The following ZFP14 variants were observed in gnomAD, a reference collection of about 807,000 sequenced individuals.
The protein encoded by ZFP14 is zinc finger protein 14 homolog.
Under a neutral mutation model 54.5 loss-of-function variants are expected in ZFP14, and 22 were observed. The observed-to-expected ratio is 0.40, with a 90% confidence interval of 0.29 to 0.58. The LOEUF (loss-of-function observed/expected upper bound fraction) is 0.58. Among genes scored for constraint, ZFP14 ranks in the 20% least tolerant of loss-of-function variants. The pLI is 0.39. For synonymous variants in ZFP14, 159 were observed against 204.0 expected (o/e 0.78, Z 1.88); for missense variants, 470 against 637.8 (o/e 0.74, Z 2.83).
chr19:36,349,864 T>C (rs1456501786), intron 4 of ZFP14, among the ~76,000 whole-genome samples: 2 of 99,270 alleles, frequency 2.0e-5, no homozygotes, highest in Non-Finnish European at 4.6e-5. Context: ...AAAAGAACAA[T>C]AGATAGGCTG....
chr19:36,370,616 C>T (rs2031864384), intron 1 of ZFP14, among the ~76,000 whole-genome samples: 1 of 152,254 alleles, frequency 6.6e-6, no homozygotes, highest in South Asian at 2.1e-4. Flanking sequence ...CGTGCCCCAG[C>T]ACTGCACCAG....
In ZFP14 at chr19:36,349,231, C is replaced by CAAAA. The variant is rs1308523351; in HGVS notation, c.236-7645_236-7642dup. 7.8e-3 allele frequency among the ~76,000 whole-genome samples: 33 copies of CAAAA among 4,248 alleles called. 8 individuals carry two copies. Among genetic ancestry groups the CAAAA allele is most frequent in the Non-Finnish European group, 9.0e-3 (22 of 2,440 alleles). 2.8% of individuals were successfully genotyped at this position (4,248 alleles called of 152,430 possible). A position where few individuals can be genotyped will look rare whatever the true frequency, so the allele number is the denominator to read the frequency against. On this transcript the variant is annotated intron_variant, in intron 4 of 4. Transcript: ENST00000270001. The stretch of plus-strand genomic sequence containing the variant: ...GGGCTATAAGAGGGGAACTCTGTCT[C>CAAAA]AAAAAAAAAAACAAAAAAAAAAAAA...
At chr19:36,369,583 A>G (rs1404216884) in intron 1 of ZFP14, among the ~76,000 whole-genome samples, 1 of 151,468 alleles carries the variant, frequency 6.6e-6, no homozygotes, top group Non-Finnish European at 1.5e-5. Context: ...GCTAATTTTT[A>G]TATTTATAGT....
chr19:36,367,825 T>C (rs1175375573), intron 2 of ZFP14, 59 bp downstream of exon 2: 2 of 1,573,588 alleles, frequency 1.3e-6, no homozygotes, highest in African/African-American at 2.7e-5. Context: ...AGAATGAATC[T>C]ATATACATGA....
chr19:36,360,644 GGAGCGAA>G, intron 3 of ZFP14, 111 bp from the exon 4 acceptor site: 4 of 951,344 alleles, frequency 4.2e-6, no homozygotes, highest in Non-Finnish European at 6.0e-6. Context: ...ATAAAGCCTA[GGAGCGAA>G]GAATTGCAAG....
chr19:36,349,026 G>A (rs1441708209), intron 4 of ZFP14, among the ~76,000 whole-genome samples: 1 of 151,450 alleles, frequency 6.6e-6, no homozygotes, highest in East Asian at 2.0e-4. Context: ...TCAGGAGTTC[G>A]AGACCAGCCT....
Position 36,356,425 on chromosome 19 carries a change from C to CA in ZFP14, c.235+4009dup, listed in dbSNP as rs552341004. ...CGTGGGTGACAGAGCGAGACTGTCT[C>CA]AAAAAAAAAAAAAAGAAAGAAATTA... On this transcript the variant is annotated intron_variant, in intron 4 of 4. Transcript: ENST00000270001. Among the ~76,000 whole-genome samples the CA allele has an allele frequency of 5.4e-3, 636 of 116,894 alleles. 1 individual carries two copies. Among genetic ancestry groups the CA allele is most frequent in the Middle Eastern group, 9.1e-3 (2 of 220 alleles). 76.7% of individuals were successfully genotyped at this position (116,894 alleles called of 152,430 possible).
At chr19:36,374,762 C>A (rs568296967) in intron 1 of ZFP14, among the ~76,000 whole-genome samples, 49 of 152,250 alleles carry the variant, frequency 3.2e-4, no homozygotes, top group African/African-American at 1.2e-3. Flanking sequence ...GTTTCCCTAG[C>A]AGGACCAGTT....
intron 1 of ZFP14, among the ~76,000 whole-genome samples, chr19:36,371,218 G>A (rs542940655): frequency 1.7e-4 from 26 of 152,126 alleles, no homozygotes; most frequent in African/African-American, 5.8e-4. Context: ...AGTCAAGGTC[G>A]CGCCACTGCA....
chr19:36,364,707 G>A (rs1365620118), intron 2 of ZFP14, among the ~76,000 whole-genome samples: 3 of 152,006 alleles, frequency 2.0e-5, no homozygotes, highest in African/African-American at 7.2e-5. Context: ...AAAAACTAAG[G>A]TCAGTCAACA....
chr19:36,375,847 G>A (rs1376435404), intron 1 of ZFP14, among the ~76,000 whole-genome samples: 4 of 151,820 alleles, frequency 2.6e-5, no homozygotes, highest in Admixed American at 6.6e-5. Flanking sequence ...GTGAGCCACC[G>A]CGCCCCGCCT....
At chr19:36,351,360 A>T (rs2145547746) in intron 4 of ZFP14, among the ~76,000 whole-genome samples, 1 of 141,432 alleles carries the variant, frequency 7.1e-6, no homozygotes, top group African/African-American at 2.6e-5. Context: ...ATTAGCCGGC[A>T]TGGTGGTGCA....
At position 36,341,616 on chromosome 19, in the gene ZFP14, C is replaced by T; in HGVS notation, c.236-26G>A. ...CTGAAAGAAAACAAGAAAGCAAATA[C>T]ATACTGTTTTCCTGTTCCAGAAAGA... On this transcript the variant is annotated intron_variant, in intron 4 of 4. Transcript: ENST00000270001. The surrounding 1 kb of genome is among the most constrained non-coding windows in gnomAD (Gnocchi z 4.2). The T allele has an allele frequency of 1.3e-6, 2 of 1,526,728 alleles. No homozygotes were observed. Among genetic ancestry groups the T allele is most frequent in the Non-Finnish European group, 1.7e-6 (2 of 1,143,208 alleles). The allele number at this position is 1,526,728 out of a possible 1,614,324, so 94.6% of individuals were successfully genotyped here. A position where few individuals can be genotyped will look rare whatever the true frequency, so the allele number is the denominator to read the frequency against.
chr19:36,360,578 C>A (rs1442521159), intron 3 of ZFP14, 45 bp from the exon 4 acceptor site: 2 of 1,550,802 alleles, frequency 1.3e-6, no homozygotes, highest in Non-Finnish European at 1.8e-6. Flanking sequence ...ACCAGAAAAT[C>A]TTTAGATTTA....
At chr19:36,362,062 T>G (rs527428310) in intron 3 of ZFP14, 50 bp downstream of exon 3, 4 of 1,539,702 alleles carry the variant, frequency 2.6e-6, no homozygotes, top group Non-Finnish European at 3.5e-6. Context: ...AATATAGTCC[T>G]GAAATTGACA....
rs398034482 is a variant in ZFP14 at position 36,364,994 on chromosome 19, C to CTTTTTT, written c.10-2762_10-2757dup. ...TTTGCTTTCTTTCCTTTTTCTTTTTCTTTTTTTTTTTTTTTTTTTTTTTTT... is the reference window on the plus strand; with the variant it reads ...TTTGCTTTCTTTCCTTTTTCTTTTTCTTTTTTTTTTTTTTTTTTTTTTTTTTTTTTT... On this transcript the variant is annotated intron_variant, in intron 2 of 4. Transcript: ENST00000270001. 3.5e-3 allele frequency among the ~76,000 whole-genome samples: 220 copies of CTTTTTT among 62,034 alleles called. 2 individuals are homozygous for CTTTTTT. Among genetic ancestry groups the CTTTTTT allele is most frequent in the East Asian group, 0.034 (65 of 1,932 alleles). 40.7% of individuals were successfully genotyped at this position (62,034 alleles called of 152,430 possible).
intron 4 of ZFP14, among the ~76,000 whole-genome samples, chr19:36,356,521 A>G (rs750477390): frequency 8.5e-5 from 13 of 152,082 alleles, no homozygotes; most frequent in Admixed American, 2.0e-4. Flanking sequence ...GTTTATTTGC[A>G]TAGCTCTATG....
chr19:36,364,994 C>CTTTTTTTTTTTT (rs398034482), intron 2 of ZFP14, among the ~76,000 whole-genome samples: 306 of 62,006 alleles, frequency 4.9e-3, no homozygotes, highest in East Asian at 9.3e-3. Context: ...TTTTCTTTTT[C>CTTTTTTTTTTTT]TTTTTTTTTT....
intron 1 of ZFP14, among the ~76,000 whole-genome samples, chr19:36,370,897 A>G (rs996358242): frequency 6.6e-6 from 1 of 152,248 alleles, no homozygotes; most frequent in African/African-American, 2.4e-5. Context: ...GAAACATGAC[A>G]TCGTCAATAG....
Sources: gnomAD v4.1 joint callset for allele counts (sites outside exome capture counted in the v4.1 genomes callset) on GRCh38, gnomAD v4.1.1 for gene constraint, Gnocchi (gnomAD v3.1) non-coding constraint, MANE v1.5 for transcripts, NCBI Gene and HGNC (gene_info 2026-07-23, HGNC 2026-07-21) for gene names.